Variants in VPS33A observed in about 807,000 individuals in gnomAD.
The protein encoded by VPS33A is VPS33A core subunit of CORVET and HOPS complexes, also known as vacuolar protein sorting-associated protein 33A.
A neutral mutation model predicts 71.8 loss-of-function variants in VPS33A; 32 were observed. The ratio of observed to expected loss-of-function variants is 0.45; its 90% CI spans 0.34 to 0.60. VPS33A has a LOEUF of 0.60. VPS33A is among the 20% of genes least tolerant of loss of function. The pLI is 0.02. For synonymous variants in VPS33A, 311 were observed against 292.7 expected, an observed-to-expected ratio of 1.06 and a Z score of -0.64; for missense variants, 625 against 748.5, an observed-to-expected ratio of 0.84 and a Z score of 1.92.
rs117523992 is a variant in VPS33A at position 122,233,163 on chromosome 12, C to A, written c.1441-195G>T. 0.016 allele frequency among the ~76,000 whole-genome samples: 2,467 copies of A among 152,040 alleles called. 31 individuals carry two copies. The highest frequency in any genetic ancestry group is 0.026 in the Non-Finnish European group (1,772 of 67,978). ...CCAGAGCTTCAATTTTGACTGAAAT[C>A]TTGAAAAGCCACTCAAAGCAGCTCT... On this transcript the variant is annotated intron_variant, in intron 11 of 12. Coordinates refer to ENST00000267199, the MANE Select transcript of VPS33A (RefSeq NM_022916.6).
chr12:122,265,821 G>T (rs1204812494), intron 1 of VPS33A: 1 of 422,560 alleles, frequency 2.4e-6, no homozygotes, highest in Non-Finnish European at 4.9e-6. Context: ...TGCTACTAGA[G>T]AAGTTATACT....
At chr12:122,250,953 C>T (rs777973100) in intron 5 of VPS33A, 30 bp downstream of exon 5, 2 of 1,572,974 alleles carry the variant, frequency 1.3e-6, no homozygotes, top group Admixed American at 1.7e-5. Flanking sequence ...AAGGGCCCTC[C>T]TTTACCACCA....
intron 6 of VPS33A, chr12:122,249,593 A>G: frequency 4.1e-6 from 1 of 244,100 alleles, no homozygotes; most frequent in Non-Finnish European, 7.8e-6. Flanking sequence ...AGAAAATGGA[A>G]ATCGAAATTC....
At chr12:122,259,079 G>A (rs779158201) in intron 4 of VPS33A, among the ~76,000 whole-genome samples, 12 of 151,628 alleles carry the variant, frequency 7.9e-5, no homozygotes, top group East Asian at 7.7e-4. Flanking sequence ...GAGTACAAAC[G>A]GTACAGCTTC....
In VPS33A at chr12:122,232,645, G is replaced by A. The variant is rs144942371; in HGVS notation, c.1609+155C>T. 5.3e-5 allele frequency among the ~76,000 whole-genome samples: 8 copies of A among 152,188 alleles called. No homozygotes were observed. In the East Asian group the frequency reaches 7.7e-4, roughly 15 times the overall value. ...GCTGCTATCCCTCAGGGAATAATCC[G>A]ATTCGAGTTCTTACTACATACATTA... On this transcript the variant is annotated intron_variant, in intron 12 of 12. Coordinates refer to ENST00000267199, the MANE Select transcript of VPS33A (RefSeq NM_022916.6).
chr12:122,243,595 A>T (rs1945323773), intron 7 of VPS33A, among the ~76,000 whole-genome samples: 1 of 152,190 alleles, frequency 6.6e-6, no homozygotes, highest in Non-Finnish European at 1.5e-5. Context: ...TGGTGATGAT[A>T]ATATTTTTTG....
At chr12:122,232,680 A>G in intron 12 of VPS33A, 120 bp downstream of exon 12, 5 of 1,311,792 alleles carry the variant, frequency 3.8e-6, no homozygotes, top group Non-Finnish European at 5.2e-6. Flanking sequence ...AGCAACGAAC[A>G]AAAGAGGTGT....
chr12:122,246,526 T>C (rs1390074750), intron 6 of VPS33A, among the ~76,000 whole-genome samples: 1 of 151,952 alleles, frequency 6.6e-6, no homozygotes, highest in Non-Finnish European at 1.5e-5. Flanking sequence ...CTCGAACTCC[T>C]GACCTCAGAT....
At chr12:122,246,107 G>C (rs1024865000) in intron 6 of VPS33A, among the ~76,000 whole-genome samples, 1 of 152,098 alleles carries the variant, frequency 6.6e-6, no homozygotes, top group African/African-American at 2.4e-5. Flanking sequence ...TAACTCTGCA[G>C]TAAAGCAATT....
intron 6 of VPS33A, among the ~76,000 whole-genome samples, chr12:122,247,923 G>C (rs944535705): frequency 1.3e-5 from 2 of 151,764 alleles, no homozygotes; most frequent in Non-Finnish European, 2.9e-5. Flanking sequence ...TTGAGACAAA[G>C]TCTCACTCTG....
chr12:122,239,537 A>G (rs939394930), intron 9 of VPS33A, among the ~76,000 whole-genome samples: 2 of 152,166 alleles, frequency 1.3e-5, no homozygotes, highest in Admixed American at 6.5e-5. Flanking sequence ...GATCGAGACC[A>G]TCCTGGCTAA....
chr12:122,235,744 A>C (rs1566037406), intron 11 of VPS33A, 42 bp downstream of exon 11: 1 of 1,577,286 alleles, frequency 6.3e-7, no homozygotes. Context: ...GGACGATCTA[A>C]CCAGTCCCTA....
chr12:122,235,265 T>C (rs1432326131), intron 11 of VPS33A, among the ~76,000 whole-genome samples: 13 of 134,674 alleles, frequency 9.7e-5, no homozygotes, highest in African/African-American at 3.6e-4. Flanking sequence ...GCCCCATAAC[T>C]TTTTTTTTTT....
At chr12:122,254,019 A>G (rs1296548643) in intron 4 of VPS33A, among the ~76,000 whole-genome samples, 1 of 151,984 alleles carries the variant, frequency 6.6e-6, no homozygotes, top group Non-Finnish European at 1.5e-5. Flanking sequence ...TTTTAACCCC[A>G]AAGTCTCACA....
chr12:122,252,113 C>T (rs964355079), intron 4 of VPS33A, among the ~76,000 whole-genome samples: 2 of 148,576 alleles, frequency 1.3e-5, no homozygotes, highest in African/African-American at 2.6e-5. Context: ...AAATAATTAG[C>T]CAGGGATAGT....
chr12:122,261,768 C>T (rs535969109), intron 3 of VPS33A, among the ~76,000 whole-genome samples: 6 of 152,020 alleles, frequency 3.9e-5, no homozygotes, highest in African/African-American at 7.2e-5. Flanking sequence ...TTTGGGAGGC[C>T]GAGGCGAGCG....
intron 7 of VPS33A, 51 bp from the exon 8 acceptor site, chr12:122,242,559 T>C: frequency 6.5e-7 from 1 of 1,546,318 alleles, no homozygotes; most frequent in Non-Finnish European, 8.8e-7. Context: ...AGTTTATTTA[T>C]TTTATTTTTT....
Position 122,261,335 on chromosome 12 carries a change from T to TAATAA in VPS33A, c.408_409insTTATT (p.Arg137LeufsTer8). ...ATGAGATCTAAGCTGTACTCCTCCC[T>TAATAA]GTGAATAAAGGATCCCAAGACACCC... On this transcript the variant is annotated frameshift_variant, in exon 4 of 13. Coordinates refer to ENST00000267199, the MANE Select transcript of VPS33A (RefSeq NM_022916.6). LOFTEE classifies it high-confidence loss of function. The TAATAA allele has an allele frequency of 6.2e-7, 1 of 1,614,110 alleles. No homozygotes were observed. Among genetic ancestry groups the TAATAA allele is most frequent in the Non-Finnish European group, 8.5e-7 (1 of 1,180,018 alleles).
chr12:122,249,596 C>A (rs1021533861), intron 6 of VPS33A: 1 of 249,036 alleles, frequency 4.0e-6, no homozygotes, highest in Non-Finnish European at 7.6e-6. Context: ...AAATGGAAAT[C>A]GAAATTCTTA....
Sources: gnomAD v4.1 joint callset for allele counts (sites outside exome capture counted in the v4.1 genomes callset) on GRCh38, gnomAD v4.1.1 for gene constraint, MANE v1.5 for transcripts, NCBI Gene and HGNC (gene_info 2026-07-23, HGNC 2026-07-21) for gene names.